Variants in ORC4 observed in about 807,000 individuals in gnomAD.
ORC4 encodes the protein origin recognition complex subunit 4, also known as origin recognition complex, subunit 4 homolog.
Under a neutral mutation model 63.9 loss-of-function variants are expected in ORC4, and 55 were observed. The observed-to-expected ratio is 0.86, with a 90% CI of 0.69 to 1.08. The LOEUF (loss-of-function observed/expected upper bound fraction) is 1.08, where lower values mean the gene tolerates loss of function less well. Among genes scored for constraint, ORC4 ranks in the 50% least tolerant of loss-of-function variants. ORC4 has a pLI of 0.00. For missense variants in ORC4, 511 were observed against 504.4 expected (o/e 1.01, Z -0.13); for synonymous variants, 150 against 168.5 (o/e 0.89, Z 0.85).
chr2:147,943,320 G>A (rs1688469779), intron 10 of ORC4, 116 bp downstream of exon 10: 1 of 714,454 alleles, frequency 1.4e-6, no homozygotes, highest in East Asian at 2.7e-5. Flanking sequence ...GGAGGCAGAG[G>A]TGGGAGGATG....
At chr2:147,963,051 CT>C (rs772705357) in intron 4 of ORC4, among the ~76,000 whole-genome samples, 2 of 152,092 alleles carry the variant, frequency 1.3e-5, no homozygotes, top group Non-Finnish European at 2.9e-5. Context: ...ATTCTTGAGC[CT>C]GCCAAGCAGT....
chr2:147,956,703 T>C (rs1242242956), intron 6 of ORC4, among the ~76,000 whole-genome samples: 2 of 152,102 alleles, frequency 1.3e-5, no homozygotes, highest in African/African-American at 4.8e-5. Context: ...TGTTTGGCTA[T>C]GCTTACTCGG....
Position 148,003,523 on chromosome 2 carries a change from C to A in ORC4, c.-18+17110G>T, listed in dbSNP as rs182903166. Among the ~76,000 whole-genome samples, 14 of 152,294 alleles carry A rather than the reference C, an allele frequency of 9.2e-5. No individual in the cohort carries two copies. The East Asian group carries it at 2.7e-3, about 29-fold the overall frequency. ...CCAATGAGAAAAACCACGATTATCTCAATAGATGTAGAAAACGCCTTCGAC... is the reference window on the plus strand; with the variant it reads ...CCAATGAGAAAAACCACGATTATCTAAATAGATGTAGAAAACGCCTTCGAC... On this transcript the variant is annotated intron_variant, in intron 1 of 13. Coordinates refer to ENST00000392857, the MANE Select transcript of ORC4 (RefSeq NM_181741.4).
At chr2:147,989,340 G>GC (rs1691431636) in intron 1 of ORC4, among the ~76,000 whole-genome samples, 1 of 152,142 alleles carries the variant, frequency 6.6e-6, no homozygotes, top group Admixed American at 6.5e-5. Context: ...CTCTGGGCCT[G>GC]CATACCTCAG....
At chr2:147,967,405 G>C (rs1689954364) in intron 4 of ORC4, among the ~76,000 whole-genome samples, 1 of 151,684 alleles carries the variant, frequency 6.6e-6, no homozygotes, top group African/African-American at 2.4e-5. Flanking sequence ...GAAAAACCTA[G>C]AGACTCTACC....
At chr2:148,021,531 T>G, upstream of ORC4, 1 of 563,666 alleles carries the variant, frequency 1.8e-6, no homozygotes, top group Non-Finnish European at 3.4e-6. Context: ...TGCTTGGCCC[T>G]GGCTGGAGAC....
rs2105397172 is a variant in ORC4 at position 147,990,094 on chromosome 2, AG to A, written c.-17-14120del. Among the ~76,000 whole-genome samples the A allele has an allele frequency of 1.3e-5, 2 of 152,310 alleles. 1 individual carries two copies. The highest frequency in any genetic ancestry group is 4.8e-5 in the African/African-American group (2 of 41,574). ...ATACCACTACCCCACTCCCTTTATT[AG>A]AAAAAAGTTAAAATACAAATTCTAT... On this transcript the variant is annotated intron_variant, in intron 1 of 13. Coordinates refer to ENST00000392857, the MANE Select transcript of ORC4 (RefSeq NM_181741.4).
chr2:147,965,154 G>C (rs1231857455), intron 4 of ORC4, among the ~76,000 whole-genome samples: 6 of 151,996 alleles, frequency 3.9e-5, no homozygotes, highest in African/African-American at 1.4e-4. Context: ...ACATAAAGGA[G>C]AAAGAGAAAG....
At chr2:147,962,657 G>A (rs757210019) in intron 4 of ORC4, among the ~76,000 whole-genome samples, 22 of 152,126 alleles carry the variant, frequency 1.4e-4, no homozygotes, top group Non-Finnish European at 2.6e-4. Flanking sequence ...ACTCTCACTT[G>A]AGGTGACCAA....
At chr2:147,976,807 A>AT (rs548082196) in intron 1 of ORC4, among the ~76,000 whole-genome samples, 30 of 152,220 alleles carry the variant, frequency 2.0e-4, no homozygotes, top group African/African-American at 7.0e-4. Context: ...CCAAATTGAG[A>AT]TTTTTTATAT....
At chr2:147,976,298 GTC>G (rs1482256418) in intron 1 of ORC4, among the ~76,000 whole-genome samples, 1 of 152,202 alleles carries the variant, frequency 6.6e-6, no homozygotes, top group African/African-American at 2.4e-5. Context: ...CCCATTTTGT[GTC>G]TGTCAGCATT....
intron 1 of ORC4, among the ~76,000 whole-genome samples, chr2:148,005,654 T>A (rs1339052350): frequency 1.5e-5 from 1 of 64,910 alleles, no homozygotes; most frequent in Non-Finnish European, 2.7e-5. Flanking sequence ...CAACTATCCA[T>A]GCAAAAAAAA....
intron 1 of ORC4, among the ~76,000 whole-genome samples, chr2:147,987,297 C>A (rs532219681): frequency 6.1e-5 from 9 of 147,828 alleles, no homozygotes; most frequent in African/African-American, 2.2e-4. Context: ...CTTTTTCAAC[C>A]AAAATGGGCT....
intron 8 of ORC4, among the ~76,000 whole-genome samples, chr2:147,951,153 T>C (rs1256250423): frequency 6.6e-6 from 1 of 152,092 alleles, no homozygotes; most frequent in African/African-American, 2.4e-5. Flanking sequence ...GAAGGAGGAC[T>C]GTTGAAATAT....
At chr2:147,949,831 C>T (rs998649710) in intron 8 of ORC4, among the ~76,000 whole-genome samples, 3 of 152,018 alleles carry the variant, frequency 2.0e-5, no homozygotes, top group African/African-American at 7.2e-5. Flanking sequence ...ATTCAGGGCT[C>T]ATTATTTATT....
chr2:148,013,944 A>G (rs1362222665), intron 1 of ORC4, among the ~76,000 whole-genome samples: 4 of 152,222 alleles, frequency 2.6e-5, no homozygotes, highest in Non-Finnish European at 5.9e-5. Flanking sequence ...ACCAGAAACA[A>G]ACCATACACC....
chr2:147,944,667 A>G (rs1688555636), intron 9 of ORC4, among the ~76,000 whole-genome samples: 1 of 149,904 alleles, frequency 6.7e-6, no homozygotes, highest in Non-Finnish European at 1.5e-5. Context: ...TAATTTTTCA[A>G]AAATCATCTG....
At chr2:147,957,789 C>T in intron 6 of ORC4, among the ~76,000 whole-genome samples, 1 of 152,138 alleles carries the variant, frequency 6.6e-6, no homozygotes, top group East Asian at 1.9e-4. Flanking sequence ...TAAAATAACG[C>T]CCAATTAACA....
intron 9 of ORC4, among the ~76,000 whole-genome samples, chr2:147,945,820 C>T (rs1030356919): frequency 6.6e-6 from 1 of 152,032 alleles, no homozygotes; most frequent in African/African-American, 2.4e-5. Context: ...GAATAGCTCC[C>T]TTAATGCAGC....
Sources: allele counts gnomAD v4.1 joint callset (sites outside exome capture counted in the v4.1 genomes callset), GRCh38; gene constraint gnomAD v4.1.1; transcripts MANE v1.5; gene names NCBI Gene and HGNC (gene_info 2026-07-23, HGNC 2026-07-21).